DCLK2: variants seen among roughly 807,000 people sequenced by gnomAD.
DCLK2 encodes serine/threonine-protein kinase DCLK2.
A neutral mutation model predicts 78.4 loss-of-function variants in DCLK2; 31 were observed. The ratio of observed to expected loss-of-function variants is 0.40; its 90% CI spans 0.30 to 0.53. DCLK2 has a LOEUF of 0.53. Among genes scored for constraint, DCLK2 ranks in the 20% least tolerant of loss-of-function variants. The pLI is 0.61. For missense variants in DCLK2, 872 were observed against 973.7 expected, an observed-to-expected ratio of 0.90 and a Z score of 1.39; for synonymous variants, 407 against 374.9, an observed-to-expected ratio of 1.09 and a Z score of -0.99.
chr4:150,128,421 C>T lies in DCLK2; in HGVS notation c.756+25609C>T, dbSNP rs1490578816. 7.2e-5 allele frequency among the ~76,000 whole-genome samples: 11 copies of T among 152,154 alleles called. No homozygotes were observed. In the South Asian group the frequency reaches 1.5e-3, roughly 20 times the overall value. ...GGTAGGCAAGGACAAGATTATGTAGCGCATACAATGCATTTCCAAGAGATT... is the reference window on the plus strand; with the variant it reads ...GGTAGGCAAGGACAAGATTATGTAGTGCATACAATGCATTTCCAAGAGATT... On this transcript the variant is annotated intron_variant, in intron 2 of 15. Transcript: ENST00000296550.
At chr4:150,140,599 T>C (rs548248995) in intron 2 of DCLK2, among the ~76,000 whole-genome samples, 21 of 152,362 alleles carry the variant, frequency 1.4e-4, no homozygotes, top group African/African-American at 4.1e-4. Context: ...TCATGACATA[T>C]CTTACTGAAG....
At chr4:150,095,982 A>G (rs886934058) in intron 1 of DCLK2, among the ~76,000 whole-genome samples, 1 of 152,232 alleles carries the variant, frequency 6.6e-6, no homozygotes, top group Admixed American at 6.5e-5. Flanking sequence ...GAAGTGTGTG[A>G]TGTGCTGAAG....
intron 11 of DCLK2, among the ~76,000 whole-genome samples, chr4:150,240,128 G>C (rs538341652): frequency 2.7e-4 from 41 of 152,306 alleles, no homozygotes; most frequent in African/African-American, 8.9e-4. Flanking sequence ...TCAGGAAGCA[G>C]ATTTTATGCT....
At chr4:150,115,938 G>A (rs1484803300) in intron 2 of DCLK2, among the ~76,000 whole-genome samples, 1 of 152,148 alleles carries the variant, frequency 6.6e-6, no homozygotes, top group Non-Finnish European at 1.5e-5. Flanking sequence ...GGTAGCCAGG[G>A]GAGCTCTCAG....
intron 10 of DCLK2, among the ~76,000 whole-genome samples, chr4:150,238,921 C>G (rs1384329045): frequency 6.6e-6 from 1 of 152,186 alleles, no homozygotes; most frequent in Non-Finnish European, 1.5e-5. Context: ...TCATCATTGA[C>G]TGTCTAGACA....
intron 2 of DCLK2, among the ~76,000 whole-genome samples, chr4:150,116,052 G>T (rs1320471635): frequency 6.6e-6 from 1 of 152,184 alleles, no homozygotes; most frequent in Non-Finnish European, 1.5e-5. Context: ...TCCTGACCCA[G>T]TGTTCAGCTA....
intron 2 of DCLK2, among the ~76,000 whole-genome samples, chr4:150,179,599 T>G (rs1420375244): frequency 6.6e-6 from 1 of 152,218 alleles, no homozygotes; most frequent in East Asian, 1.9e-4. Flanking sequence ...TTGACTAATC[T>G]TATTTTTATG....
intron 2 of DCLK2, among the ~76,000 whole-genome samples, chr4:150,166,343 A>T (rs1396681595): frequency 4.1e-5 from 6 of 147,374 alleles, no homozygotes; most frequent in Admixed American, 6.6e-5. Flanking sequence ...TTTTTAAAAA[A>T]ATTAGCCAGG....
chr4:150,190,111 G>C (rs776881218), intron 2 of DCLK2, among the ~76,000 whole-genome samples: 11 of 144,856 alleles, frequency 7.6e-5, no homozygotes, highest in Non-Finnish European at 1.7e-4. Flanking sequence ...AGGATCACTT[G>C]AGCCCAGGAG....
chr4:150,078,967 G>T lies in DCLK2; in HGVS notation c.-61G>T, dbSNP rs938023878. 6.8e-7 allele frequency: 1 copy of T among 1,470,708 alleles called. No homozygotes were observed. Among genetic ancestry groups the T allele is most frequent in the Non-Finnish European group, 9.0e-7 (1 of 1,111,540 alleles). The allele number at this position is 1,470,708 out of a possible 1,614,324, so 91.1% of individuals were successfully genotyped here. A position where few individuals can be genotyped will look rare whatever the true frequency, so the allele number is the denominator to read the frequency against. ...CCTCGCAGTCAGACGTCCCTGCACC[G>T]GCGCTCGCACCCTTAGTCGGCCCGG... On this transcript the variant is annotated 5_prime_UTR_variant, in exon 1 of 16. Coordinates refer to ENST00000296550, the MANE Select transcript of DCLK2 (RefSeq NM_001040260.4).
intron 4 of DCLK2, among the ~76,000 whole-genome samples, chr4:150,199,677 A>G (rs1476127504): frequency 1.3e-5 from 2 of 152,206 alleles, no homozygotes; most frequent in African/African-American, 2.4e-5. Flanking sequence ...TTATCTGAAA[A>G]TATCTCTGTT....
At chr4:150,141,283 G>A (rs1310045149) in intron 2 of DCLK2, among the ~76,000 whole-genome samples, 1 of 152,178 alleles carries the variant, frequency 6.6e-6, no homozygotes, top group Non-Finnish European at 1.5e-5. Flanking sequence ...AGCTTTGTAA[G>A]TTAGGGTGAA....
chr4:150,110,599 T>C (rs1731610798), intron 2 of DCLK2, among the ~76,000 whole-genome samples: 1 of 152,156 alleles, frequency 6.6e-6, no homozygotes. Context: ...GTGTACATTG[T>C]ACCCAATATG....
At chr4:150,157,539 GTCTC>G (rs747008533) in intron 2 of DCLK2, among the ~76,000 whole-genome samples, 2 of 144,638 alleles carry the variant, frequency 1.4e-5, no homozygotes, top group African/African-American at 2.6e-5. Flanking sequence ...TTGAGCTGGA[GTCTC>G]TCTCTCTTGT....
At chr4:150,159,776 T>C (rs989829890) in intron 2 of DCLK2, among the ~76,000 whole-genome samples, 7 of 152,080 alleles carry the variant, frequency 4.6e-5, no homozygotes, top group African/African-American at 1.7e-4. Flanking sequence ...AAAATGGAAT[T>C]TGGATTAGAT....
intron 2 of DCLK2, among the ~76,000 whole-genome samples, chr4:150,116,214 C>A (rs1235767605): frequency 6.6e-6 from 1 of 152,178 alleles, no homozygotes; most frequent in Non-Finnish European, 1.5e-5. Context: ...GAAGGGCTGT[C>A]TACAGGTGTA....
chr4:150,224,437 A>G, intron 7 of DCLK2, 64 bp from the exon 8 acceptor site: 1 of 1,459,036 alleles, frequency 6.9e-7, no homozygotes, highest in Non-Finnish European at 9.3e-7. Context: ...TAAAAAAGAA[A>G]GAAAACAGGA....
At chr4:150,108,993 G>A (rs559158693) in intron 2 of DCLK2, among the ~76,000 whole-genome samples, 1 of 152,262 alleles carries the variant, frequency 6.6e-6, no homozygotes, top group Non-Finnish European at 1.5e-5. Context: ...ACTCCTTGGA[G>A]TGCCTGCTCT....
At position 150,247,306 on chromosome 4, in the gene DCLK2, C is replaced by A. The variant is rs192122380; in HGVS notation, c.1779-297C>A. ...TCACATTGTGTGCAAGAATCACCAC[C>A]GTCCCTTTCCAGAACTTTTCCATCT... is the stretch of plus-strand genomic sequence containing the variant. On this transcript the variant is annotated intron_variant, in intron 12 of 15. Coordinates refer to ENST00000296550, the MANE Select transcript of DCLK2 (RefSeq NM_001040260.4). Among the ~76,000 whole-genome samples, 111 of 152,258 alleles carry A rather than the reference C, an allele frequency of 7.3e-4. 1 individual carries two copies. The highest frequency in any genetic ancestry group is 1.2e-3 in the Non-Finnish European group (82 of 68,026).
Sources: gnomAD v4.1 joint callset for allele counts (sites outside exome capture counted in the v4.1 genomes callset) on GRCh38, gnomAD v4.1.1 for gene constraint, MANE v1.5 for transcripts, NCBI Gene and HGNC (gene_info 2026-07-23, HGNC 2026-07-21) for gene names.